Variants in DNAI1 observed in about 807,000 individuals in gnomAD.
The protein encoded by DNAI1 is dynein axonemal intermediate chain 1.
DNAI1 carries 67 observed loss-of-function variants against 92.0 expected under a neutral mutation model. The observed-to-expected ratio is 0.73, with a 90% CI of 0.60 to 0.89. The LOEUF (loss-of-function observed/expected upper bound fraction) is 0.89, where lower values mean the gene tolerates loss of function less well. DNAI1 is among the 40% of genes least tolerant of loss of function. DNAI1 has a pLI of 0.00. For synonymous variants in DNAI1, 323 were observed against 319.6 expected (o/e 1.01, Z -0.11); for missense variants, 839 against 866.6 (o/e 0.97, Z 0.40).
In DNAI1 at chr9:34,490,405, C is replaced by T. The variant is rs747987759; in HGVS notation, c.538C>T (p.Pro180Ser). The part of the protein sequence containing the change: ...EKVTEEELMT[P>S]KQPKERKLTN... ...AGTGACTGAAGAAGAATTGATGACT[C>T]CTAAGCAGCCCAAGGAGAGAAAGCT... Residue 180 changes from proline to serine, a missense_variant, in exon 7 of 20, where the codon CCT (proline) becomes TCT (serine). Pro to Ser is a moderately conservative substitution (Grantham distance 74). Transcript: ENST00000242317. The T allele has an allele frequency of 2.5e-5, 40 of 1,614,034 alleles. No homozygotes were observed. Among genetic ancestry groups the T allele is most frequent in the Non-Finnish European group, 3.4e-5 (40 of 1,180,032 alleles).
chr9:34,500,647 C>T (rs1824810491), intron 10 of DNAI1, 75 bp from the exon 11 acceptor site: 1 of 977,894 alleles, frequency 1.0e-6, no homozygotes, highest in Non-Finnish European at 1.6e-6. Flanking sequence ...CAAGGAGGTA[C>T]AGACAGTAAG....
At chr9:34,520,555 G>C (rs1387621633) in intron 19 of DNAI1, 103 bp from the exon 20 acceptor site, 2 of 1,018,852 alleles carry the variant, frequency 2.0e-6, no homozygotes, top group Non-Finnish European at 3.0e-6. Flanking sequence ...GGGCAGGGGA[G>C]GGGTAGGGCA....
At chr9:34,488,813 C>G (rs148905443) in intron 4 of DNAI1, among the ~76,000 whole-genome samples, 19 of 152,330 alleles carry the variant, frequency 1.2e-4, no homozygotes, top group African/African-American at 4.3e-4. Context: ...TGCTGTGTGA[C>G]CCGGACAAAT....
At chr9:34,484,390 T>C (rs1824431936) in intron 2 of DNAI1, among the ~76,000 whole-genome samples, 1 of 152,214 alleles carries the variant, frequency 6.6e-6, no homozygotes, top group African/African-American at 2.4e-5. Flanking sequence ...TATTTTCCAA[T>C]TGATTTTTAG....
At chr9:34,486,087 A>G (rs922232507) in intron 4 of DNAI1, among the ~76,000 whole-genome samples, 2 of 152,164 alleles carry the variant, frequency 1.3e-5, no homozygotes, top group African/African-American at 4.8e-5. Flanking sequence ...ATGCCTATAT[A>G]GGGGACAATA....
rs565034311 is a variant in DNAI1, at chr9:34,517,343, C to T, written c.1877C>T (p.Ala626Val). ...GAGGCCATCTGCAACCAGCCTGTGG[C>T]GGCCAAAAAGAACAGGCTCACCCAC... is the stretch of plus-strand genomic sequence containing the variant. ...KYEAICNQPV[A>V]AKKNRLTHVQ... Residue 626 changes from alanine (A) to valine (V), a missense_variant, in exon 19 of 20, where the codon GCG becomes GTG. Ala to Val is a moderately conservative substitution (Grantham distance 64). Transcript: ENST00000242317. 505 of 1,614,114 alleles carry T rather than the reference C, an allele frequency of 3.1e-4. 3 individuals carry two copies. In the South Asian group the frequency reaches 5.0e-3, roughly 16 times the overall value.
chr9:34,489,850 C>CA (rs962055294), intron 5 of DNAI1, 162 bp from the exon 6 acceptor site: 6,900 of 927,996 alleles, frequency 7.4e-3, no homozygotes, highest in Non-Finnish European at 8.4e-3. Context: ...GACTCTGTCT[C>CA]AAAAAAAAAA....
intron 1 of DNAI1, among the ~76,000 whole-genome samples, chr9:34,461,327 A>G (rs1458405003): frequency 1.3e-5 from 2 of 152,188 alleles, no homozygotes; most frequent in African/African-American, 4.8e-5. Flanking sequence ...ATATAATAGA[A>G]TGTACCATTT....
chr9:34,501,124 ATT>A lies in DNAI1; in HGVS notation c.1020-6_1020-5del. 2 of 1,567,834 alleles carry A rather than the reference ATT, an allele frequency of 1.3e-6. No individual in the cohort carries two copies. The highest frequency in any genetic ancestry group is 1.8e-6 in the Non-Finnish European group (2 of 1,140,752). The stretch of plus-strand genomic sequence containing the variant: ...TCATTTCCTATGCCAATGGATTCAT[ATT>A]TTTTTTTGCAGGAATCCAAAGTACA... On this transcript the variant is annotated splice_polypyrimidine_tract_variant and intron_variant, in intron 11 of 19. Coordinates refer to ENST00000242317, the MANE Select transcript of DNAI1 (RefSeq NM_012144.4).
Position 34,506,691 on chromosome 9 carries a change from T to C in DNAI1, c.1128T>C (p.Pro376=), listed in dbSNP as rs1824937169. 7 of 1,614,204 alleles carry C rather than the reference T, an allele frequency of 4.3e-6. No individual in the cohort carries two copies. The highest frequency in any genetic ancestry group is 2.2e-5 in the East Asian group (1 of 44,888). The change falls in exon 13 of 20, where the codon CCT becomes CCC. Residue 376 remains proline, a synonymous_variant. Transcript: ENST00000242317. Reference sequence around the variant, plus strand: ...ACAGCCTGAAGAACCCCAGCTTCCCTGAGTACATGTTCAGCAGCAACAGCG... The same window carrying C: ...ACAGCCTGAAGAACCCCAGCTTCCCCGAGTACATGTTCAGCAGCAACAGCG... ...LLYSLKNPSF[P]EYMFSSNSGV... is the part of the protein sequence containing the mutation.
chr9:34,474,811 C>A (rs942626724), intron 1 of DNAI1, among the ~76,000 whole-genome samples: 4 of 152,086 alleles, frequency 2.6e-5, no homozygotes, highest in Non-Finnish European at 5.9e-5. Context: ...TTGTGATCTG[C>A]CCGCCTCGGC....
chr9:34,494,830 G>A (rs4878573), intron 9 of DNAI1, among the ~76,000 whole-genome samples: 27,388 of 152,078 alleles, frequency 0.18, 2,670 homozygotes, highest in East Asian at 0.33. Flanking sequence ...GCCCCACCTA[G>A]TGAATGCCTT....
At chr9:34,491,952 C>T (rs1824609162) in intron 8 of DNAI1, among the ~76,000 whole-genome samples, 2 of 152,190 alleles carry the variant, frequency 1.3e-5, no homozygotes, top group African/African-American at 2.4e-5. Context: ...TTCAGTGTTC[C>T]TGCAGCCCCC....
chr9:34,485,932 C>G (rs1439035012), intron 4 of DNAI1, among the ~76,000 whole-genome samples: 1 of 152,192 alleles, frequency 6.6e-6, no homozygotes, highest in Non-Finnish European at 1.5e-5. Context: ...CTCCCCACCC[C>G]CAGCCCCACT....
Position 34,485,198 on chromosome 9 carries a change from AG to A in DNAI1, c.139del (p.Ala47ProfsTer11), listed in dbSNP as rs1824446213. The A allele has an allele frequency of 6.2e-7, 1 of 1,614,086 alleles. No homozygotes were observed. The highest frequency in any genetic ancestry group is 8.5e-7 in the Non-Finnish European group (1 of 1,180,036). On this transcript the variant is annotated frameshift_variant, in exon 3 of 20. Transcript: ENST00000242317. LOFTEE classifies it high-confidence loss of function. ...EGTDEWAQSK[A>X]TVRPPDQLEL... is the part of the protein sequence containing the mutation. The stretch of plus-strand genomic sequence containing the variant: ...GCACAGATGAATGGGCCCAATCCAA[AG>A]CCACAGTTAGACCCCCTGACCAGCT...
chr9:34,474,814 G>A (rs375428811), intron 1 of DNAI1, among the ~76,000 whole-genome samples: 16 of 152,160 alleles, frequency 1.1e-4, no homozygotes, highest in African/African-American at 3.1e-4. Flanking sequence ...TGATCTGCCC[G>A]CCTCGGCCTC....
At chr9:34,520,461 T>G (rs1825255084) in intron 19 of DNAI1, among the ~76,000 whole-genome samples, 197 bp from the exon 20 acceptor site, 1 of 152,170 alleles carries the variant, frequency 6.6e-6, no homozygotes, top group African/African-American at 2.4e-5. Context: ...TTTTGCAAGC[T>G]GTCAGCTGAG....
intron 18 of DNAI1, among the ~76,000 whole-genome samples, chr9:34,516,753 T>C (rs1825177821): frequency 6.6e-6 from 1 of 151,252 alleles, no homozygotes; most frequent in Non-Finnish European, 1.5e-5. Flanking sequence ...TCTTTTTTTT[T>C]TTTTTTGAGA....
rs762886409 is a variant in DNAI1 at position 34,459,012 on chromosome 9, C to G, written c.7C>G (p.Pro3Ala). 3.1e-6 allele frequency: 5 copies of G among 1,614,052 alleles called. No individual in the cohort carries two copies. The East Asian group carries it at 1.1e-4, about 36-fold the overall frequency. ...AGGCTCTCCAGGGGTTGAGATGATT[C>G]CTGCTTCTGCGAAGGCTCCCCATAA... is the stretch of plus-strand genomic sequence containing the variant. Reference protein sequence around the residue: MIPASAKAPHKQP... With the variant: MIAASAKAPHKQP... The change falls in exon 1 of 20, where the codon CCT (proline) becomes GCT (alanine). Residue 3 changes from proline (P) to alanine (A), a missense_variant. Physicochemically the swap from Pro to Ala is conservative, Grantham distance 27. Coordinates refer to ENST00000242317, the MANE Select transcript of DNAI1 (RefSeq NM_012144.4).
Sources: allele counts gnomAD v4.1 joint callset (sites outside exome capture counted in the v4.1 genomes callset), GRCh38; gene constraint gnomAD v4.1.1; transcripts MANE v1.5; gene names NCBI Gene and HGNC (gene_info 2026-07-23, HGNC 2026-07-21).